The following SUGCT variants were observed in gnomAD, a reference collection of about 807,000 sequenced individuals.
SUGCT encodes the protein succinyl-CoA:glutarate CoA-transferase.
Under a neutral mutation model 55.0 loss-of-function variants are expected in SUGCT, and 41 were observed. The observed-to-expected ratio is 0.74, with a 90% confidence interval of 0.58 to 0.97. The LOEUF (loss-of-function observed/expected upper bound fraction) is 0.97, where lower values mean the gene tolerates loss of function less well. Ranked by LOEUF, SUGCT falls within the 50% of genes least tolerant of loss-of-function variation. The pLI is 0.00. For synonymous variants in SUGCT, 187 were observed against 200.4 expected (o/e 0.93, Z 0.56); for missense variants, 568 against 547.8 (o/e 1.04, Z -0.37).
At chr7:40,274,378 A>T (rs1273953188) in intron 7 of SUGCT, 135 bp from the exon 8 acceptor site, 1 of 833,680 alleles carries the variant, frequency 1.2e-6, no homozygotes, top group Admixed American at 3.2e-5. Flanking sequence ...TTATTTTATT[A>T]ACTTTCTTGT....
chr7:40,600,407 A>G (rs1394292708), intron 12 of SUGCT, among the ~76,000 whole-genome samples: 1 of 152,232 alleles, frequency 6.6e-6, no homozygotes, highest in Non-Finnish European at 1.5e-5. Context: ...ACCAGGGCTG[A>G]CTGATAACAC....
chr7:40,741,914 TA>T, intron 12 of SUGCT, among the ~76,000 whole-genome samples: 1 of 152,046 alleles, frequency 6.6e-6, no homozygotes, highest in South Asian at 2.1e-4. Context: ...CTGATACAAG[TA>T]GAAAAAAAGA....
In SUGCT at chr7:40,507,334, G is replaced by A. The variant is rs117985614; in HGVS notation, c.1089+10948G>A. On this transcript the variant is annotated intron_variant, in intron 12 of 13. Coordinates refer to ENST00000335693, the MANE Select transcript of SUGCT (RefSeq NM_001193313.2). Reference sequence around the variant, plus strand: ...AATTGTTTTTATCTGCCACCTTGGGGTAGGAGATTTTAATCTTGACCTCTA... The same window carrying A: ...AATTGTTTTTATCTGCCACCTTGGGATAGGAGATTTTAATCTTGACCTCTA... 9.3e-3 allele frequency among the ~76,000 whole-genome samples: 1,410 copies of A among 152,240 alleles called. 12 individuals are homozygous for A. The highest frequency in any genetic ancestry group is 0.014 in the Non-Finnish European group (972 of 68,014).
chr7:40,795,764 A>C (rs570965316), intron 13 of SUGCT, among the ~76,000 whole-genome samples: 1 of 152,300 alleles, frequency 6.6e-6, no homozygotes, highest in African/African-American at 2.4e-5. Flanking sequence ...GAATGTGCAT[A>C]GTTTCTGACT....
At chr7:40,405,558 C>T (rs1786313490) in intron 9 of SUGCT, among the ~76,000 whole-genome samples, 1 of 151,902 alleles carries the variant, frequency 6.6e-6, no homozygotes, top group South Asian at 2.1e-4. Flanking sequence ...TGCCTTTATC[C>T]CAGCACTTTG....
At chr7:40,365,615 A>G (rs1262699164) in intron 9 of SUGCT, among the ~76,000 whole-genome samples, 2 of 151,908 alleles carry the variant, frequency 1.3e-5, no homozygotes, top group Non-Finnish European at 2.9e-5. Context: ...CTTATACACC[A>G]ATAACAGACA....
At chr7:40,246,798 C>T (rs1789912366) in intron 7 of SUGCT, among the ~76,000 whole-genome samples, 1 of 151,622 alleles carries the variant, frequency 6.6e-6, no homozygotes, top group Admixed American at 6.6e-5. Context: ...GAGGTTTTGC[C>T]ATGTTGGCCA....
chr7:40,677,129 T>TA (rs1205209473), intron 12 of SUGCT, among the ~76,000 whole-genome samples: 1 of 152,174 alleles, frequency 6.6e-6, no homozygotes, highest in Non-Finnish European at 1.5e-5. Flanking sequence ...AGGCAACAGT[T>TA]ATAACAAATG....
rs1283539157 is a variant in SUGCT at position 40,439,064 on chromosome 7, G to GTGTATATATATATA, written c.817-10222_817-10221insGTATATATATATAT. On this transcript the variant is annotated intron_variant, in intron 9 of 13. Transcript: ENST00000335693. Reference sequence around the variant, plus strand: ...TATATATATATGGTATATATATGGTGTATATATATATATATATATATATAT... The same window carrying GTGTATATATATATA: ...TATATATATATGGTATATATATGGTGTGTATATATATATATATATATATATATATATATATATAT... Among the ~76,000 whole-genome samples, 86 of 27,180 alleles carry GTGTATATATATATA rather than the reference G, an allele frequency of 3.2e-3. 17 individuals carry two copies. The highest frequency in any genetic ancestry group is 4.7e-3 in the Non-Finnish European group (68 of 14,498). 17.8% of individuals were successfully genotyped at this position (27,180 alleles called of 152,430 possible).
intron 9 of SUGCT, among the ~76,000 whole-genome samples, chr7:40,404,723 C>T (rs1398662888): frequency 6.6e-6 from 1 of 152,202 alleles, no homozygotes; most frequent in Non-Finnish European, 1.5e-5. Context: ...AGGCATGAGC[C>T]ACCATGCTCA....
At chr7:40,475,214 T>C (rs192041343) in intron 11 of SUGCT, among the ~76,000 whole-genome samples, 29 of 152,344 alleles carry the variant, frequency 1.9e-4, no homozygotes, top group African/African-American at 5.8e-4. Context: ...GATTGCTGTC[T>C]CTGCTAGCTT....
intron 9 of SUGCT, among the ~76,000 whole-genome samples, chr7:40,432,909 CCTT>C (rs1314859471): frequency 1.3e-5 from 2 of 151,914 alleles, no homozygotes; most frequent in African/African-American, 2.4e-5. Context: ...CTCTCTCTCT[CCTT>C]CTTCTTTGTG....
intron 9 of SUGCT, among the ~76,000 whole-genome samples, chr7:40,427,367 G>C (rs532112828): frequency 6.6e-6 from 1 of 152,276 alleles, no homozygotes; most frequent in African/African-American, 2.4e-5. Context: ...GGGTCACACT[G>C]CTAAGTCAGT....
At chr7:40,434,964 C>T (rs1229403910) in intron 9 of SUGCT, among the ~76,000 whole-genome samples, 4 of 152,146 alleles carry the variant, frequency 2.6e-5, no homozygotes. Context: ...CATAAGGACT[C>T]ATTTTCTGCT....
chr7:40,854,391 A>ATT (rs1416656815), intron 13 of SUGCT, among the ~76,000 whole-genome samples: 1 of 124,956 alleles, frequency 8.0e-6, no homozygotes, highest in African/African-American at 3.0e-5. Flanking sequence ...GTGTATCAAA[A>ATT]TTTTTTTCTT....
chr7:40,473,634 G>A (rs1268028281), intron 11 of SUGCT, among the ~76,000 whole-genome samples: 2 of 151,506 alleles, frequency 1.3e-5, no homozygotes, highest in East Asian at 1.9e-4. Context: ...GCACTAGGAG[G>A]AGCAGAAAAA....
chr7:40,449,738 G>A (rs1315487555), intron 10 of SUGCT, among the ~76,000 whole-genome samples: 1 of 150,670 alleles, frequency 6.6e-6, no homozygotes, highest in African/African-American at 2.5e-5. Flanking sequence ...ACTATATCAG[G>A]TTAATTGGAA....
the SUGCT span, among the ~76,000 whole-genome samples, chr7:40,940,172 G>A: frequency 4.3e-4 from 65 of 152,210 alleles, 1 homozygote; most frequent in Admixed American, 4.3e-3. Context: ...CTTTGTTGAA[G>A]ATTAGTTGGT....
At chr7:40,286,001 A>C (rs1285595464) in intron 8 of SUGCT, among the ~76,000 whole-genome samples, 1 of 152,196 alleles carries the variant, frequency 6.6e-6, no homozygotes, top group East Asian at 1.9e-4. Context: ...TTCACCTCCA[A>C]GGGTATTATT....
Sources: allele counts gnomAD v4.1 joint callset (sites outside exome capture counted in the v4.1 genomes callset), GRCh38; gene constraint gnomAD v4.1.1; transcripts MANE v1.5; gene names NCBI Gene and HGNC (gene_info 2026-07-23, HGNC 2026-07-21).